Variants in NID2 observed in about 807,000 individuals in gnomAD.
The protein encoded by NID2 is nidogen-2.
NID2 carries 83 observed loss-of-function variants against 145.4 expected under a neutral mutation model. That is an observed-to-expected ratio of 0.57 (90% CI 0.48 to 0.69). The LOEUF (loss-of-function observed/expected upper bound fraction) is 0.69, where lower values mean the gene tolerates loss of function less well. Among genes scored for constraint, NID2 ranks in the 30% least tolerant of loss-of-function variants. The pLI, the probability that NID2 is intolerant of heterozygous loss-of-function variation, is 0.00. For synonymous variants in NID2, 739 were observed against 701.3 expected (o/e 1.05, Z -0.85); for missense variants, 1,807 against 1,765.7 (o/e 1.02, Z -0.42).
intron 9 of NID2, among the ~76,000 whole-genome samples, chr14:52,033,400 A>G (rs564318497): frequency 3.9e-5 from 6 of 152,300 alleles, no homozygotes; most frequent in Non-Finnish European, 7.4e-5. Flanking sequence ...AAAACAACCA[A>G]CCAACCAACA....
intron 20 of NID2, chr14:52,006,324 T>G: frequency 1.9e-6 from 1 of 530,988 alleles, no homozygotes; most frequent in Non-Finnish European, 3.4e-6. Context: ...AGCAATACCA[T>G]TCGATTTCTG....
chr14:52,027,455 T>C (rs1462952642), intron 11 of NID2, 111 bp from the exon 12 acceptor site: 24 of 893,950 alleles, frequency 2.7e-5, no homozygotes, highest in Non-Finnish European at 3.6e-5. Context: ...GAATGCAGGT[T>C]CTCAGACCCT....
chr14:52,006,147 T>G, intron 20 of NID2: 1 of 421,306 alleles, frequency 2.4e-6, no homozygotes, highest in South Asian at 2.6e-5. Context: ...AAATAGTATT[T>G]TTCGGTCCCT....
rs1341153519 is a variant in NID2 at position 52,033,644 on chromosome 14, CA to C, written c.2258-3955del. Among the ~76,000 whole-genome samples the C allele has an allele frequency of 5.3e-5, 8 of 152,128 alleles. No homozygotes were observed. The East Asian group carries it at 1.5e-3, about 29-fold the overall frequency. ...TATCGTTCCCTCTGGAAAAACTGAGCAGTTCTTAGGAAGATACTGCTGTGTA... is the reference window on the plus strand; with the variant it reads ...TATCGTTCCCTCTGGAAAAACTGAGCGTTCTTAGGAAGATACTGCTGTGTA... On this transcript the variant is annotated intron_variant, in intron 9 of 21. Transcript: ENST00000216286.
In NID2 at chr14:52,029,569, C is replaced by A. The variant is rs138268612; in HGVS notation, c.2379G>T (p.Gln793His). The A allele has an allele frequency of 3.1e-4, 494 of 1,613,666 alleles. No individual in the cohort carries two copies. The African/African-American group carries it at 6.1e-3, about 20-fold the overall frequency. The change falls in exon 10 of 22, where the codon CAG (glutamine) becomes CAT (histidine). Residue 793 changes from glutamine to histidine, a missense_variant. Physicochemically the swap from Gln to His is conservative, Grantham distance 24. Transcript: ENST00000216286. ...TACCCACACAGTTCCGTCCATCTCC[C>A]TGGTACCCAGATGCGCACTCACAGG... Reference protein sequence around the residue: ...DYTCECASGYQGDGRNCVDEN... With the variant: ...DYTCECASGYHGDGRNCVDEN...
chr14:52,038,796 T>G lies in NID2; in HGVS notation c.2208A>C (p.Glu736Asp). The G allele has an allele frequency of 6.2e-7, 1 of 1,610,332 alleles. No homozygotes were observed. Reference sequence around the variant, plus strand: ...TCACAGCAAATCTAAGCACTCTTTCTTCGTCATTATACAAGGCAAAGACCC... The same window carrying G: ...TCACAGCAAATCTAAGCACTCTTTCGTCGTCATTATACAAGGCAAAGACCC... Reference protein sequence around the residue: ...VDRVFALYNDEERVLRFAVTN... With the variant: ...VDRVFALYNDDERVLRFAVTN... The change falls in exon 9 of 22, where the codon GAA becomes GAC. Residue 736 changes from glutamate to aspartate, a missense_variant. Coordinates refer to ENST00000216286, the MANE Select transcript of NID2 (RefSeq NM_007361.4).
intron 15 of NID2, 73 bp downstream of exon 15, chr14:52,014,981 C>G: frequency 7.8e-7 from 1 of 1,276,984 alleles, no homozygotes; most frequent in East Asian, 2.5e-5. Flanking sequence ...CCCCCCACTT[C>G]ACCACAGCAG....
chr14:52,018,911 T>A, intron 14 of NID2, 150 bp downstream of exon 14: 1 of 619,354 alleles, frequency 1.6e-6, no homozygotes, highest in Non-Finnish European at 2.9e-6. Flanking sequence ...CAAACATGCA[T>A]ATTTGTACGC....
Position 52,060,157 on chromosome 14 carries a change from G to T in NID2, c.734C>A (p.Thr245Asn). 1.2e-6 allele frequency: 2 copies of T among 1,613,820 alleles called. No individual in the cohort carries two copies. Among genetic ancestry groups the T allele is most frequent in the Non-Finnish European group, 1.7e-6 (2 of 1,179,762 alleles). Residue 245 changes from threonine (T) to asparagine (N), a missense_variant, in exon 3 of 22, where the codon ACT becomes AAT. By Grantham distance (65) the Thr-to-Asn change is moderately conservative. Transcript: ENST00000216286. Reference sequence around the variant, plus strand: ...ATTTTTCACAGACTGTTCAGTGCTAGTCAAGCTGAAATATGGTCCTTCTGA... The same window carrying T: ...ATTTTTCACAGACTGTTCAGTGCTATTCAAGCTGAAATATGGTCCTTCTGA... ...LKSEGPYFSL[T>N]STEQSVKNLY...
In NID2 at chr14:52,042,310, G is replaced by C. The variant is rs1156631223; in HGVS notation, c.1620C>G (p.Leu540=). 3.1e-6 allele frequency: 5 copies of C among 1,613,458 alleles called. No individual in the cohort carries two copies. Among genetic ancestry groups the C allele is most frequent in the Non-Finnish European group, 4.2e-6 (5 of 1,179,564 alleles). The part of the protein sequence containing the change: ...HRVNGKVSGH[L]HVGHTPVHFT... ...AGTGCACGGGTGTATGGCCCACGTG[G>C]AGGTGGCCACTCACTTTCCCATTCA... is the stretch of plus-strand genomic sequence containing the variant. Residue 540 remains leucine, a synonymous_variant, in exon 7 of 22, where the codon CTC becomes CTG. Transcript: ENST00000216286.
Position 52,027,240 on chromosome 14 carries a change from A to G in NID2, c.2635T>C (p.Cys879Arg). Residue 879 changes from cysteine (C) to arginine (R), a missense_variant, in exon 12 of 22, where the codon TGC (cysteine) becomes CGC (arginine). Transcript: ENST00000216286. ...HHGGSTFSCACLPGYAGDGHQ... is the reference protein window; with the variant it reads ...HHGGSTFSCARLPGYAGDGHQ... ...CCATCGCCGGCATAACCAGGCAGGC[A>G]GGCACAGCTGAACGTGCTGCCTCCA... 6.3e-7 allele frequency: 1 copy of G among 1,581,844 alleles called. No homozygotes were observed. Among genetic ancestry groups the G allele is most frequent in the Non-Finnish European group, 8.6e-7 (1 of 1,164,466 alleles).
At chr14:52,051,273 G>A (rs894226156) in intron 5 of NID2, among the ~76,000 whole-genome samples, 5 of 152,180 alleles carry the variant, frequency 3.3e-5, no homozygotes, top group African/African-American at 1.2e-4. Flanking sequence ...CTACCCTAAA[G>A]CTTCAAAGGG....
intron 17 of NID2, 128 bp from the exon 18 acceptor site, chr14:52,011,175 C>G: frequency 1.2e-6 from 1 of 803,976 alleles, no homozygotes; most frequent in South Asian, 1.7e-5. Context: ...TCCAAGTCCC[C>G]AAGAACCAGG....
At chr14:52,006,149 TC>T in intron 20 of NID2, 1 of 421,450 alleles carries the variant, frequency 2.4e-6, no homozygotes. Flanking sequence ...ATAGTATTTT[TC>T]GGTCCCTCAG....
intron 14 of NID2, among the ~76,000 whole-genome samples, chr14:52,016,844 A>G (rs1891229161): frequency 6.6e-6 from 1 of 152,172 alleles, no homozygotes. Flanking sequence ...AGCACCTACA[A>G]TTCCTCTTGG....
At chr14:52,055,815 T>G (rs1486240525) in intron 3 of NID2, among the ~76,000 whole-genome samples, 2 of 152,192 alleles carry the variant, frequency 1.3e-5, no homozygotes, top group East Asian at 1.9e-4. Flanking sequence ...TAATAAAAAC[T>G]TCACTAAATT....
chr14:52,048,529 C>T (rs921187979), intron 5 of NID2, among the ~76,000 whole-genome samples: 2 of 152,064 alleles, frequency 1.3e-5, no homozygotes, highest in Non-Finnish European at 2.9e-5. Flanking sequence ...TTTTTCTTTT[C>T]GGTGGTCATT....
intron 9 of NID2, among the ~76,000 whole-genome samples, chr14:52,034,086 C>G (rs1480035428): frequency 6.6e-6 from 1 of 152,098 alleles, no homozygotes; most frequent in African/African-American, 2.4e-5. Flanking sequence ...GTGCTTAGAA[C>G]AGTACTTGGC....
Position 52,015,141 on chromosome 14 carries a change from G to A in NID2, c.3163C>T (p.His1055Tyr). Residue 1055 changes from histidine to tyrosine, a missense_variant, in exon 15 of 22, where the codon CAC (histidine) becomes TAC (tyrosine). Physicochemically the swap from His to Tyr is moderately conservative, Grantham distance 83. Coordinates refer to ENST00000216286, the MANE Select transcript of NID2 (RefSeq NM_007361.4). ...CACCAGCAGAAGTCGCTCTTTCCGT[G>A]GCACTGCAGGGGGATGAAGTGGCCC... ...DLGHFIPLQCHGKSDFCWCVD... is the reference protein window; with the variant it reads ...DLGHFIPLQCYGKSDFCWCVD... The A allele has an allele frequency of 6.2e-7, 1 of 1,614,124 alleles. No homozygotes were observed. Among genetic ancestry groups the A allele is most frequent in the African/African-American group, 1.3e-5 (1 of 75,028 alleles).
Sources: gnomAD v4.1 joint callset for allele counts (sites outside exome capture counted in the v4.1 genomes callset) on GRCh38, gnomAD v4.1.1 for gene constraint, MANE v1.5 for transcripts, NCBI Gene and HGNC (gene_info 2026-07-23, HGNC 2026-07-21) for gene names.